DIS3L2: variants seen among roughly 807,000 people sequenced by gnomAD.
The protein encoded by DIS3L2 is DIS3-like exonuclease 2.
In DIS3L2, 34 loss-of-function variants were observed where a neutral mutation model predicts 97.5. That is an observed-to-expected ratio of 0.35 (90% CI 0.27 to 0.46). The LOEUF is 0.46. Ranked by LOEUF, DIS3L2 falls within the 20% of genes least tolerant of loss-of-function variation. DIS3L2 has a pLI of 1.00. For missense variants in DIS3L2, 1,038 were observed against 1,146.0 expected (o/e 0.91, Z 1.36); for synonymous variants, 435 against 445.2 (o/e 0.98, Z 0.29).
At chr2:232,045,279 G>A (rs1054027906) in intron 5 of DIS3L2, among the ~76,000 whole-genome samples, 4 of 152,208 alleles carry the variant, frequency 2.6e-5, no homozygotes, top group Non-Finnish European at 4.4e-5. Context: ...TTTGAGAACA[G>A]TGGTGAGCAG....
chr2:232,309,471 GC>G (rs1440417216), intron 14 of DIS3L2, among the ~76,000 whole-genome samples: 1 of 151,994 alleles, frequency 6.6e-6, no homozygotes, highest in Non-Finnish European at 1.5e-5. Context: ...AGGAAGGAGG[GC>G]TGGGTAGGGA....
chr2:232,143,519 C>G (rs151335764), intron 8 of DIS3L2, among the ~76,000 whole-genome samples: 2,941 of 151,946 alleles, frequency 0.019, 91 homozygotes, highest in African/African-American at 0.067. Context: ...TTATTTTTTC[C>G]AAATACATAC....
chr2:232,002,119 A>C (rs1297625767), intron 1 of DIS3L2, among the ~76,000 whole-genome samples: 1 of 152,172 alleles, frequency 6.6e-6, no homozygotes, highest in Non-Finnish European at 1.5e-5. Flanking sequence ...GGTACCATTT[A>C]TTGAAGAGAT....
At chr2:232,186,365 A>G (rs888797672) in intron 9 of DIS3L2, among the ~76,000 whole-genome samples, 1 of 152,240 alleles carries the variant, frequency 6.6e-6, no homozygotes, top group African/African-American at 2.4e-5. Context: ...TGTCACATAG[A>G]CAATCTGAAT....
At chr2:232,084,656 A>G (rs1417418832) in intron 5 of DIS3L2, among the ~76,000 whole-genome samples, 2 of 152,198 alleles carry the variant, frequency 1.3e-5, no homozygotes, top group African/African-American at 2.4e-5. Context: ...CTAACTTCCC[A>G]TTGACAGATG....
At chr2:232,006,749 C>T (rs1038056624) in intron 1 of DIS3L2, among the ~76,000 whole-genome samples, 1 of 151,948 alleles carries the variant, frequency 6.6e-6, no homozygotes, top group African/African-American at 2.4e-5. Flanking sequence ...TGTAAGGAAA[C>T]CTGTGAATTG....
chr2:232,296,055 C>T (rs919103320), intron 13 of DIS3L2, among the ~76,000 whole-genome samples: 4 of 152,222 alleles, frequency 2.6e-5, no homozygotes, highest in African/African-American at 9.6e-5. Context: ...GTTCAGCAGC[C>T]TACTGGCCAT....
chr2:231,999,255 G>C (rs1693811651), intron 1 of DIS3L2, among the ~76,000 whole-genome samples: 1 of 152,008 alleles, frequency 6.6e-6, no homozygotes, highest in African/African-American at 2.4e-5. Context: ...TTCTACCCTG[G>C]TCTCAGAATT....
chr2:232,217,464 G>A (rs775908618), intron 10 of DIS3L2, among the ~76,000 whole-genome samples: 4 of 152,166 alleles, frequency 2.6e-5, no homozygotes, highest in Non-Finnish European at 4.4e-5. Context: ...GATATTCTCC[G>A]CCTGGAGATA....
intron 14 of DIS3L2, among the ~76,000 whole-genome samples, chr2:232,324,519 C>T (rs62191209): frequency 1.8e-3 from 277 of 152,212 alleles, no homozygotes; most frequent in Middle Eastern, 3.4e-3. Flanking sequence ...CCCCGGCTCC[C>T]GCTCATTTCC....
chr2:232,059,806 C>A (rs192896420), intron 5 of DIS3L2, among the ~76,000 whole-genome samples: 2 of 152,074 alleles, frequency 1.3e-5, no homozygotes, highest in African/African-American at 2.4e-5. Flanking sequence ...CTGGAAAGGA[C>A]GTGATTTCAT....
intron 1 of DIS3L2, among the ~76,000 whole-genome samples, chr2:232,009,711 A>G (rs554336254): frequency 6.6e-6 from 1 of 151,976 alleles, no homozygotes; most frequent in South Asian, 2.1e-4. Flanking sequence ...TGGCCCTAAC[A>G]TTTCTTTCCT....
At position 232,336,527 on chromosome 2, in the gene DIS3L2, A is replaced by T; in HGVS notation, c.2555A>T (p.Lys852Met). Residue 852 changes from lysine to methionine, a missense_variant, in exon 21 of 21, where the codon AAG (lysine) becomes ATG (methionine). Transcript: ENST00000325385. The stretch of plus-strand genomic sequence containing the variant: ...CTGCAGGCAGAGTCCACAGCCCTCA[A>T]GTACAGCGCCATCCTGAAGCGGCCA... ...VVLQAESTAL[K>M]YSAILKRPGT... 1 of 1,610,872 alleles carries T rather than the reference A, an allele frequency of 6.2e-7. No individual in the cohort carries two copies. The highest frequency in any genetic ancestry group is 8.5e-7 in the Non-Finnish European group (1 of 1,179,932).
At chr2:232,185,006 G>A (rs1325865432) in intron 9 of DIS3L2, among the ~76,000 whole-genome samples, 2 of 152,106 alleles carry the variant, frequency 1.3e-5, no homozygotes, top group African/African-American at 4.8e-5. Flanking sequence ...TTCTCCCGAG[G>A]CAGTCTGCTC....
chr2:232,343,286 A>C, intron 13 of DIS3L2: 1 of 1,435,464 alleles, frequency 7.0e-7, no homozygotes, highest in Non-Finnish European at 9.4e-7. Flanking sequence ...CTGGAATTGC[A>C]AAGGCCTAGC....
At chr2:232,134,574 C>T (rs1698306690) in intron 7 of DIS3L2, among the ~76,000 whole-genome samples, 1 of 152,282 alleles carries the variant, frequency 6.6e-6, no homozygotes, top group South Asian at 2.1e-4. Context: ...CCCATAATCC[C>T]AGCACTTTGG....
chr2:232,239,985 G>C (rs569289145), intron 11 of DIS3L2, among the ~76,000 whole-genome samples: 1 of 152,212 alleles, frequency 6.6e-6, no homozygotes, highest in Non-Finnish European at 1.5e-5. Flanking sequence ...AGTTCCCCCA[G>C]TGTAGCTGAG....
chr2:232,329,786 C>CCCGGGGGGGGCG, intron 14 of DIS3L2, 27 bp from the exon 15 acceptor site: 8 of 430,238 alleles, frequency 1.9e-5, no homozygotes, highest in Non-Finnish European at 2.1e-5. Context: ...CCCCAGCGGT[C>CCCGGGGGGGGCG]CCTCCCATCC....
chr2:232,110,729 A>C (rs1697501990), intron 6 of DIS3L2, among the ~76,000 whole-genome samples: 1 of 152,170 alleles, frequency 6.6e-6, no homozygotes, highest in African/African-American at 2.4e-5. Context: ...GGAGAAGATC[A>C]GGAAAAATAG....
Sources: gnomAD v4.1 joint callset for allele counts (sites outside exome capture counted in the v4.1 genomes callset) on GRCh38, gnomAD v4.1.1 for gene constraint, MANE v1.5 for transcripts, NCBI Gene and HGNC (gene_info 2026-07-23, HGNC 2026-07-21) for gene names.